The following ANKRD7 variants were observed in gnomAD, a reference collection of about 807,000 sequenced individuals.
ANKRD7 encodes ankyrin repeat domain 7, also known as ankyrin repeat domain-containing protein 7.
Under a neutral mutation model 30.8 loss-of-function variants are expected in ANKRD7, and 30 were observed. That is an observed-to-expected ratio of 0.97 (90% CI 0.73 to 1.32). The LOEUF is 1.32. ANKRD7 is among the 40% of genes most tolerant of loss of function. The pLI, the probability that ANKRD7 is intolerant of heterozygous loss-of-function variation, is 0.00. For missense variants in ANKRD7, 264 were observed against 295.7 expected (o/e 0.89, Z 0.79); for synonymous variants, 97 against 106.6 (o/e 0.91, Z 0.55).
At chr7:118,241,521 CT>C (rs3061682) in intron 6 of ANKRD7, among the ~76,000 whole-genome samples, 118 of 84,528 alleles carry the variant, frequency 1.4e-3, no homozygotes, top group African/African-American at 3.3e-3. Flanking sequence ...TCTGAATTAC[CT>C]TTTTTTTTTT....
At chr7:118,231,984 A>C (rs3757797) in intron 1 of ANKRD7, among the ~76,000 whole-genome samples, 4,887 of 152,204 alleles carry the variant, frequency 0.032, 129 homozygotes, top group East Asian at 0.078. Flanking sequence ...ATGAAAGTTA[A>C]GGATTTTTGA....
chr7:118,237,052 G>T, intron 5 of ANKRD7, 126 bp downstream of exon 5: 1 of 987,044 alleles, frequency 1.0e-6, no homozygotes, highest in Admixed American at 2.5e-5. Context: ...AATCTGTGCA[G>T]GGATTCTTGA....
chr7:118,225,958 A>G (rs1809533127), intron 1 of ANKRD7, among the ~76,000 whole-genome samples: 1 of 152,228 alleles, frequency 6.6e-6, no homozygotes, highest in African/African-American at 2.4e-5. Flanking sequence ...AAGCCGTACT[A>G]TTCATTAACC....
chr7:118,225,080 G>A (rs562656794), intron 1 of ANKRD7, 71 bp downstream of exon 1: 1 of 1,545,076 alleles, frequency 6.5e-7, no homozygotes, highest in African/African-American at 1.4e-5. Flanking sequence ...AATAAGACAA[G>A]TGGGGGCTGT....
intron 1 of ANKRD7, among the ~76,000 whole-genome samples, chr7:118,230,162 A>G (rs778004955): frequency 6.6e-6 from 1 of 152,092 alleles, no homozygotes; most frequent in African/African-American, 2.4e-5. Flanking sequence ...CCAACATAGT[A>G]CTGGAAATCC....
Position 118,236,207 on chromosome 7 carries a change from C to CGTGT in ANKRD7, c.575+62_575+63insGTGT, listed in dbSNP as rs370465561. 3.3e-3 allele frequency: 1,965 copies of CGTGT among 595,476 alleles called. 76 individuals are homozygous for CGTGT. Among genetic ancestry groups the CGTGT allele is most frequent in the East Asian group, 0.013 (417 of 31,310 alleles). The allele number at this position is 595,476 out of a possible 1,614,324, so 36.9% of individuals were successfully genotyped here. Reference sequence around the variant, plus strand: ...GCTACCTGATAGGATTGTGTGTGTGCGTATGTGTGTGTGTGTGTGTGTGTG... The same window carrying CGTGT: ...GCTACCTGATAGGATTGTGTGTGTGCGTGTGTATGTGTGTGTGTGTGTGTGTGTG... On this transcript the variant is annotated intron_variant, in intron 4 of 6. Transcript: ENST00000265224.
Position 118,224,744 on chromosome 7 carries a change from C to A in ANKRD7, c.-87C>A. The A allele has an allele frequency of 3.9e-6, 6 of 1,522,534 alleles. No individual in the cohort carries two copies. The highest frequency in any genetic ancestry group is 5.3e-6 in the Non-Finnish European group (6 of 1,140,084). 94.3% of individuals were successfully genotyped at this position (1,522,534 alleles called of 1,614,324 possible). A position where few individuals can be genotyped will look rare whatever the true frequency, so the allele number is the denominator to read the frequency against. On this transcript the variant is annotated 5_prime_UTR_variant, in exon 1 of 7. Coordinates refer to ENST00000265224, the MANE Select transcript of ANKRD7 (RefSeq NM_019644.4). Reference sequence around the variant, plus strand: ...GTCAGGTACTGGAGAGGGCTGCCGGCCGGATGCCAGGGCAGAGGGGCAGGG... The same window carrying A: ...GTCAGGTACTGGAGAGGGCTGCCGGACGGATGCCAGGGCAGAGGGGCAGGG...
At chr7:118,240,408 C>T (rs1050542151) in intron 6 of ANKRD7, among the ~76,000 whole-genome samples, 10 of 151,646 alleles carry the variant, frequency 6.6e-5, no homozygotes, top group Admixed American at 5.9e-4. Context: ...TGAGAATATG[C>T]GGTGTTTGGT....
At chr7:118,238,285 G>A (rs544763007) in intron 5 of ANKRD7, among the ~76,000 whole-genome samples, 1 of 151,940 alleles carries the variant, frequency 6.6e-6, no homozygotes, top group African/African-American at 2.4e-5. Flanking sequence ...GTCGAAAATT[G>A]TAAGAGAATT....
At chr7:118,231,175 A>G (rs1289690691) in intron 1 of ANKRD7, among the ~76,000 whole-genome samples, 1 of 152,054 alleles carries the variant, frequency 6.6e-6, no homozygotes, top group African/African-American at 2.4e-5. Flanking sequence ...TTTTTTAAAC[A>G]AAGATCTGCA....
At chr7:118,235,505 G>T (rs906665742) in intron 3 of ANKRD7, among the ~76,000 whole-genome samples, 16 of 151,622 alleles carry the variant, frequency 1.1e-4, no homozygotes, top group African/African-American at 3.6e-4. Flanking sequence ...CCAGCTGCTC[G>T]GGAGGCTGAG....
chr7:118,235,000 A>G, intron 3 of ANKRD7, 126 bp downstream of exon 3: 1 of 729,088 alleles, frequency 1.4e-6, no homozygotes, highest in Non-Finnish European at 2.1e-6. Flanking sequence ...AAAATTGGGG[A>G]GAAAGAGAAG....
At chr7:118,228,084 G>A in intron 1 of ANKRD7, 1 of 1,270,002 alleles carries the variant, frequency 7.9e-7, no homozygotes, top group Non-Finnish European at 1.0e-6. Flanking sequence ...TGCCATATCA[G>A]TGGTATTTGA....
chr7:118,231,704 C>G (rs1809641578), intron 1 of ANKRD7, among the ~76,000 whole-genome samples: 1 of 152,076 alleles, frequency 6.6e-6, no homozygotes, highest in Admixed American at 6.6e-5. Flanking sequence ...TCAGTCATCC[C>G]TTTTGCTAAA....
At chr7:118,225,955 A>G (rs1023611658) in intron 1 of ANKRD7, among the ~76,000 whole-genome samples, 10 of 152,238 alleles carry the variant, frequency 6.6e-5, no homozygotes, top group Admixed American at 6.5e-4. Flanking sequence ...AATAAGCCGT[A>G]CTATTCATTA....
At chr7:118,241,442 A>G (rs1051801125) in intron 6 of ANKRD7, among the ~76,000 whole-genome samples, 5 of 150,114 alleles carry the variant, frequency 3.3e-5, no homozygotes, top group Admixed American at 6.7e-5. Flanking sequence ...CCACAAATCT[A>G]TAGTGATAAT....
At chr7:118,236,368 A>T (rs1294151643) in intron 4 of ANKRD7, among the ~76,000 whole-genome samples, 2 of 152,176 alleles carry the variant, frequency 1.3e-5, no homozygotes, top group African/African-American at 2.4e-5. Context: ...AAAATCAAAC[A>T]GTTGGGCCAG....
intron 5 of ANKRD7, among the ~76,000 whole-genome samples, chr7:118,238,861 C>T (rs905075142): frequency 1.3e-5 from 2 of 152,074 alleles, no homozygotes; most frequent in Admixed American, 1.3e-4. Flanking sequence ...GCTGAATTTC[C>T]CCCTAAAATT....
Position 118,234,783 on chromosome 7 carries a change from A to G in ANKRD7, c.377A>G (p.Asn126Ser). The G allele has an allele frequency of 5.6e-6, 9 of 1,613,450 alleles. No individual in the cohort carries two copies. Among genetic ancestry groups the G allele is most frequent in the Non-Finnish European group, 7.6e-6 (9 of 1,179,814 alleles). ...ADPDLRDIRY[N>S]TVLHYAVCGQ... ...CCAGATCTGAGGGATATTCGTTATA[A>G]TACTGTTCTTCACTATGCTGTTTGT... The change falls in exon 3 of 7, where the codon AAT becomes AGT. Residue 126 changes from asparagine (N) to serine (S), a missense_variant. Coordinates refer to ENST00000265224, the MANE Select transcript of ANKRD7 (RefSeq NM_019644.4).
Sources: gnomAD v4.1 joint callset for allele counts (sites outside exome capture counted in the v4.1 genomes callset) on GRCh38, gnomAD v4.1.1 for gene constraint, MANE v1.5 for transcripts, NCBI Gene and HGNC (gene_info 2026-07-23, HGNC 2026-07-21) for gene names.